Variants in TMEM108 observed in about 807,000 individuals in gnomAD.
The protein encoded by TMEM108 is transmembrane protein 108, also known as cancer/testis antigen 124.
A neutral mutation model predicts 35.1 loss-of-function variants in TMEM108; 12 were observed. That is an observed-to-expected ratio of 0.34 (90% confidence interval 0.22 to 0.55). TMEM108 has a LOEUF of 0.55. Among genes scored for constraint, TMEM108 ranks in the 20% least tolerant of loss-of-function variants. The probability of loss-of-function intolerance (pLI) is 0.89; values close to 1 mark genes in which losing one functional copy is unlikely to be tolerated. For synonymous variants in TMEM108, 287 were observed against 308.6 expected, an observed-to-expected ratio of 0.93 and a Z score of 0.73; for missense variants, 680 against 753.3, an observed-to-expected ratio of 0.90 and a Z score of 1.14.
intron 2 of TMEM108, among the ~76,000 whole-genome samples, chr3:133,085,054 T>C (rs1943864099): frequency 6.6e-6 from 1 of 152,192 alleles, no homozygotes; most frequent in African/African-American, 2.4e-5. Context: ...CTTTCAGCTT[T>C]TGTTAGGATT....
chr3:133,078,168 C>T (rs1263558830), intron 2 of TMEM108, among the ~76,000 whole-genome samples: 285 of 24,288 alleles, frequency 0.012, no homozygotes, highest in African/African-American at 0.054. Flanking sequence ...TGCACGCGCG[C>T]GCGCGCACAC....
At chr3:133,214,232 G>C (rs1945873755) in intron 2 of TMEM108, among the ~76,000 whole-genome samples, 1 of 152,126 alleles carries the variant, frequency 6.6e-6, no homozygotes, top group Non-Finnish European at 1.5e-5. Context: ...AAGGATCAGA[G>C]CTCAAGAAAC....
chr3:133,046,717 G>A (rs1338605809), intron 2 of TMEM108, among the ~76,000 whole-genome samples: 1 of 152,136 alleles, frequency 6.6e-6, no homozygotes, highest in Non-Finnish European at 1.5e-5. Flanking sequence ...TAACTGTTTG[G>A]TGTGGAAAGG....
intron 2 of TMEM108, among the ~76,000 whole-genome samples, chr3:133,101,015 C>T (rs1944080779): frequency 6.7e-6 from 1 of 149,838 alleles, no homozygotes; most frequent in South Asian, 2.1e-4. Context: ...GTCACATACA[C>T]ATGTGAAATA....
At chr3:133,202,949 G>A (rs1053697647) in intron 2 of TMEM108, among the ~76,000 whole-genome samples, 2 of 152,114 alleles carry the variant, frequency 1.3e-5, no homozygotes, top group African/African-American at 2.4e-5. Flanking sequence ...CCATTTGTTT[G>A]TGTCTGCTCT....
chr3:133,236,266 AC>A (rs1288010540), intron 3 of TMEM108, among the ~76,000 whole-genome samples: 2 of 152,102 alleles, frequency 1.3e-5, no homozygotes, highest in African/African-American at 4.8e-5. Context: ...GTCAAATCAC[AC>A]AAAGTAATTT....
intron 2 of TMEM108, among the ~76,000 whole-genome samples, chr3:133,193,583 TA>T (rs1945531825): frequency 6.6e-6 from 1 of 152,130 alleles, no homozygotes; most frequent in African/African-American, 2.4e-5. Context: ...ATACCTATTT[TA>T]TGAGGCCTAT....
intron 2 of TMEM108, among the ~76,000 whole-genome samples, chr3:133,057,112 CT>C (rs1340947501): frequency 2.0e-5 from 3 of 152,132 alleles, no homozygotes; most frequent in Non-Finnish European, 4.4e-5. Flanking sequence ...ATGTGATGCT[CT>C]CCCTGCAATT....
chr3:133,375,659 A>C (rs2107828147), intron 3 of TMEM108, among the ~76,000 whole-genome samples: 1 of 152,362 alleles, frequency 6.6e-6, no homozygotes. Context: ...TTTGTGCCAA[A>C]GAAGAGAGGT....
intron 2 of TMEM108, among the ~76,000 whole-genome samples, chr3:133,099,543 T>A (rs2084582): frequency 0.14 from 21,526 of 152,212 alleles, 1,545 homozygotes; most frequent in Admixed American, 0.16. Context: ...TTTTCTGAAC[T>A]TTTATGCTCC....
intron 2 of TMEM108, among the ~76,000 whole-genome samples, chr3:133,169,551 T>G (rs1370203214): frequency 6.6e-6 from 1 of 152,210 alleles, no homozygotes; most frequent in Non-Finnish European, 1.5e-5. Context: ...TCAGTTGTTG[T>G]GGAAGGAGAT....
At chr3:133,362,224 T>C (rs1483711175) in intron 3 of TMEM108, among the ~76,000 whole-genome samples, 1 of 152,198 alleles carries the variant, frequency 6.6e-6, no homozygotes, top group African/African-American at 2.4e-5. Flanking sequence ...ATGAAGATGA[T>C]ATCATTGTTA....
chr3:133,114,936 T>G (rs889951889), intron 2 of TMEM108, among the ~76,000 whole-genome samples: 2 of 151,774 alleles, frequency 1.3e-5, no homozygotes, highest in Non-Finnish European at 2.9e-5. Flanking sequence ...CTAAAAAGAG[T>G]AGAACATCCA....
chr3:133,338,068 C>A (rs144601353), intron 3 of TMEM108, among the ~76,000 whole-genome samples: 1 of 151,920 alleles, frequency 6.6e-6, no homozygotes, highest in African/African-American at 2.4e-5. Context: ...CTAGAAAATA[C>A]CCTCAAATGG....
chr3:133,202,006 A>G (rs1212434072), intron 2 of TMEM108, among the ~76,000 whole-genome samples: 2 of 152,200 alleles, frequency 1.3e-5, no homozygotes, highest in African/African-American at 2.4e-5. Flanking sequence ...CTGGCATGAT[A>G]TGATATCTCA....
chr3:133,183,571 AT>A (rs1381929357), intron 2 of TMEM108, among the ~76,000 whole-genome samples: 1 of 152,188 alleles, frequency 6.6e-6, no homozygotes, highest in Non-Finnish European at 1.5e-5. Flanking sequence ...AGGAAAGAGA[AT>A]GAAAAGGGGG....
intron 3 of TMEM108, among the ~76,000 whole-genome samples, chr3:133,300,568 T>C (rs1277136455): frequency 6.6e-6 from 1 of 152,134 alleles, no homozygotes; most frequent in East Asian, 1.9e-4. Flanking sequence ...CAGTGCCACA[T>C]GGGGAAGCAC....
At chr3:133,143,883 C>CT (rs1944674705) in intron 2 of TMEM108, among the ~76,000 whole-genome samples, 1 of 151,924 alleles carries the variant, frequency 6.6e-6, no homozygotes, top group East Asian at 1.9e-4. Flanking sequence ...CTCTGATACT[C>CT]TAAGTTACGA....
chr3:133,289,627 C>G (rs187695635), intron 3 of TMEM108, among the ~76,000 whole-genome samples: 1 of 152,176 alleles, frequency 6.6e-6, no homozygotes, highest in Non-Finnish European at 1.5e-5. Context: ...GTGTGCAATC[C>G]GACTGTGAGG....
Sources: gnomAD v4.1 joint callset for allele counts (sites outside exome capture counted in the v4.1 genomes callset) on GRCh38, gnomAD v4.1.1 for gene constraint, MANE v1.5 for transcripts, NCBI Gene and HGNC (gene_info 2026-07-23, HGNC 2026-07-21) for gene names.